The following SHANK2 variants were observed in gnomAD, a reference collection of about 807,000 sequenced individuals.
SHANK2 encodes SH3 and multiple ankyrin repeat domains protein 2.
Under a neutral mutation model 133.7 loss-of-function variants are expected in SHANK2, and 43 were observed. The ratio of observed to expected loss-of-function variants is 0.32; its 90% CI spans 0.25 to 0.41. The LOEUF (loss-of-function observed/expected upper bound fraction) is 0.41, where lower values mean the gene tolerates loss of function less well. Among genes scored for constraint, SHANK2 ranks in the 10% least tolerant of loss-of-function variants. SHANK2 has a pLI of 1.00. For missense variants in SHANK2, 1,994 were observed against 2,235.8 expected (o/e 0.89, Z 2.18); for synonymous variants, 1,017 against 952.8 (o/e 1.07, Z -1.24).
chr11:70,874,143 A>T (rs559561395), intron 11 of SHANK2, among the ~76,000 whole-genome samples: 1 of 151,988 alleles, frequency 6.6e-6, no homozygotes, highest in South Asian at 2.1e-4. Context: ...ATCCATATCC[A>T]TCTATCCATA....
chr11:70,747,322 G>A (rs1946661587), intron 14 of SHANK2, among the ~76,000 whole-genome samples: 1 of 152,156 alleles, frequency 6.6e-6, no homozygotes, highest in Non-Finnish European at 1.5e-5. Context: ...GGGCAGCAGG[G>A]ATGGGAGGGA....
At chr11:70,599,494 C>T (rs1281311730) in intron 17 of SHANK2, among the ~76,000 whole-genome samples, 3 of 134,106 alleles carry the variant, frequency 2.2e-5, no homozygotes, top group African/African-American at 5.3e-5. Context: ...GTAGTCCCAG[C>T]TACTCGGGAG....
chr11:70,502,749 C>CCG (rs1555159073), intron 18 of SHANK2, 47 bp downstream of exon 18: 4 of 1,200,402 alleles, frequency 3.3e-6, no homozygotes, highest in East Asian at 7.1e-5. Context: ...CCACCCCCCC[C>CCG]CCCCAGTAGG....
At chr11:70,572,881 G>A (rs973945626) in intron 17 of SHANK2, among the ~76,000 whole-genome samples, 11 of 152,152 alleles carry the variant, frequency 7.2e-5, no homozygotes, top group African/African-American at 2.7e-4. Context: ...ACGTGACCCA[G>A]GCTTTCCTCT....
intron 17 of SHANK2, among the ~76,000 whole-genome samples, chr11:70,607,479 T>G (rs1287669946): frequency 1.3e-5 from 2 of 152,216 alleles, no homozygotes; most frequent in African/African-American, 4.8e-5. Flanking sequence ...CCCCACTCCC[T>G]GCCCTCAGGT....
At chr11:71,141,338 CA>C (rs141530384) in intron 3 of SHANK2, among the ~76,000 whole-genome samples, 5,852 of 144,462 alleles carry the variant, frequency 0.041, 357 homozygotes, top group African/African-American at 0.14. Flanking sequence ...ACTAAAAATA[CA>C]AAAAAAAAAA....
intron 15 of SHANK2, 99 bp downstream of exon 15, chr11:70,698,589 A>C: frequency 1.4e-6 from 1 of 710,860 alleles, no homozygotes; most frequent in South Asian, 1.5e-5. Context: ...GGCAGACACG[A>C]GGGGCCTGAA....
chr11:70,850,257 A>C (rs1392527629), intron 11 of SHANK2, among the ~76,000 whole-genome samples: 2 of 152,256 alleles, frequency 1.3e-5, no homozygotes, highest in East Asian at 1.9e-4. Context: ...GAAGCCAAAC[A>C]ACATGTCCAA....
At chr11:70,690,092 T>A (rs1945242847) in intron 15 of SHANK2, among the ~76,000 whole-genome samples, 1 of 152,036 alleles carries the variant, frequency 6.6e-6, no homozygotes, top group African/African-American at 2.4e-5. Context: ...ACGTATCCAC[T>A]AGCTCAGTGA....
At chr11:71,162,770 C>T (rs1237632989) in intron 2 of SHANK2, among the ~76,000 whole-genome samples, 55 of 152,012 alleles carry the variant, frequency 3.6e-4, no homozygotes, top group African/African-American at 1.3e-3. Context: ...TGGCAGTTAT[C>T]TCAAAATAAA....
In SHANK2 at chr11:70,500,730, C is replaced by T. The variant is rs558405606; in HGVS notation, c.2288-140G>A. On this transcript the variant is annotated intron_variant, in intron 20 of 25. Transcript: ENST00000601538. The surrounding 1 kb of genome is among the most constrained non-coding windows in gnomAD (Gnocchi z 4.5). ...GGCGGCAGGCAGGGGCTGTCTGGAA[C>T]GCTGCGAACGCAGGCTGCGCTATCC... is the stretch of plus-strand genomic sequence containing the variant. 2.4e-4 allele frequency: 262 copies of T among 1,108,916 alleles called. 1 individual carries two copies. Among genetic ancestry groups the T allele is most frequent in the Non-Finnish European group, 3.1e-4 (233 of 742,818 alleles). The allele number at this position is 1,108,916 out of a possible 1,614,324, so 68.7% of individuals were successfully genotyped here. A position where few individuals can be genotyped will look rare whatever the true frequency, so the allele number is the denominator to read the frequency against.
At chr11:70,642,546 G>A (rs1555006719) in intron 17 of SHANK2, among the ~76,000 whole-genome samples, 1 of 152,204 alleles carries the variant, frequency 6.6e-6, no homozygotes, top group Non-Finnish European at 1.5e-5. Flanking sequence ...CGCAGTTGAG[G>A]CGGGGCCGAG....
At chr11:70,832,645 C>G (rs527376975) in intron 11 of SHANK2, among the ~76,000 whole-genome samples, 1 of 152,304 alleles carries the variant, frequency 6.6e-6, no homozygotes, top group South Asian at 2.1e-4. Context: ...ACTAGGTTCA[C>G]CAGGCTGCTC....
Position 70,820,648 on chromosome 11 carries a change from G to A in SHANK2, c.1209C>T (p.Arg403=). Residue 403 remains arginine, a synonymous_variant, in exon 12 of 26, where the codon CGC becomes CGT. Coordinates refer to ENST00000601538, the MANE Select transcript of SHANK2 (RefSeq NM_012309.5). Reference sequence around the variant, plus strand: ...CCAGCGTGTTGGGGGGCCGCCGCCGGCGGTTGGAGTACGCCGGGGCCTCTC... The same window carrying A: ...CCAGCGTGTTGGGGGGCCGCCGCCGACGGTTGGAGTACGCCGGGGCCTCTC... ...PFREAPAYSN[R]RRRPPNTLAA... The A allele has an allele frequency of 2.8e-6, 2 of 706,524 alleles. No individual in the cohort carries two copies. Among genetic ancestry groups the A allele is most frequent in the Non-Finnish European group, 5.3e-6 (2 of 379,236 alleles). The allele number at this position is 706,524 out of a possible 1,614,324, so 43.8% of individuals were successfully genotyped here.
At chr11:70,815,912 A>T (rs1361646590) in intron 12 of SHANK2, among the ~76,000 whole-genome samples, 1 of 152,160 alleles carries the variant, frequency 6.6e-6, no homozygotes, top group East Asian at 1.9e-4. Flanking sequence ...GTGCAGAGGG[A>T]CAGGGGACCT....
intron 14 of SHANK2, among the ~76,000 whole-genome samples, chr11:70,716,969 A>C (rs546108522): frequency 1.4e-4 from 19 of 137,446 alleles, no homozygotes; most frequent in Admixed American, 1.1e-3. Context: ...GGCAAGAGGG[A>C]GCAGTTGGTG....
chr11:71,161,761 T>C (rs1230368538), intron 2 of SHANK2, among the ~76,000 whole-genome samples: 1 of 152,226 alleles, frequency 6.6e-6, no homozygotes, highest in African/African-American at 2.4e-5. Flanking sequence ...CCCCCTAAAA[T>C]GTATAAAATC....
intron 6 of SHANK2, among the ~76,000 whole-genome samples, chr11:71,103,825 T>TCTCTCTCTCTCC (rs1951758645): frequency 6.7e-6 from 1 of 148,254 alleles, no homozygotes; most frequent in Non-Finnish European, 1.5e-5. Context: ...GTGTGGCACC[T>TCTCTCTCTCTCC]CTCTCTCTCT....
chr11:70,586,558 C>T (rs1022011381), intron 17 of SHANK2, among the ~76,000 whole-genome samples: 17 of 152,322 alleles, frequency 1.1e-4, no homozygotes, highest in Admixed American at 9.8e-4. Context: ...AACTCCGAGG[C>T]GGCCCCTGCA....
Sources: gnomAD v4.1 joint callset for allele counts (sites outside exome capture counted in the v4.1 genomes callset) on GRCh38, gnomAD v4.1.1 for gene constraint, Gnocchi (gnomAD v3.1) non-coding constraint, MANE v1.5 for transcripts, NCBI Gene and HGNC (gene_info 2026-07-23, HGNC 2026-07-21) for gene names.